Variants in ANKS1A observed in about 807,000 individuals in gnomAD.
ANKS1A encodes ankyrin repeat and SAM domain-containing protein 1A.
In ANKS1A, 55 loss-of-function variants were observed where a neutral mutation model predicts 120.3. That is an observed-to-expected ratio of 0.46 (90% CI 0.37 to 0.57). ANKS1A has a LOEUF of 0.57. ANKS1A is among the 20% of genes least tolerant of loss of function. ANKS1A has a pLI of 0.00. For synonymous variants in ANKS1A, 590 were observed against 604.7 expected (o/e 0.98, Z 0.36); for missense variants, 1,123 against 1,480.3 (o/e 0.76, Z 3.96).
intron 2 of ANKS1A, 22 bp from the exon 3 acceptor site, chr6:34,969,988 A>G: frequency 6.2e-7 from 1 of 1,610,844 alleles, no homozygotes; most frequent in Non-Finnish European, 8.5e-7. Flanking sequence ...CTACCAACTC[A>G]TGATTGATTT....
chr6:35,089,567 C>A lies in ANKS1A; in HGVS notation c.*958C>A. ...TGTGTGATTGGGGCTCATTTTGATT[C>A]TCTGAATTATCGGTTTGACGGTTAC... On this transcript the variant is annotated 3_prime_UTR_variant, in exon 24 of 24. Transcript: ENST00000360359. The A allele has an allele frequency of 1.0e-6, 1 of 986,430 alleles. No individual in the cohort carries two copies. Among genetic ancestry groups the A allele is most frequent in the Non-Finnish European group, 1.2e-6 (1 of 830,388 alleles). 61.1% of individuals were successfully genotyped at this position (986,430 alleles called of 1,614,324 possible).
rs1465696744 is a variant in ANKS1A at position 35,090,540 on chromosome 6, T to C, written c.*1931T>C. ...TTTATTTATTCAGGGTATTTTCATATTGGAAGCCTTGGCTAGTCTGCTCTA... is the reference window on the plus strand; with the variant it reads ...TTTATTTATTCAGGGTATTTTCATACTGGAAGCCTTGGCTAGTCTGCTCTA... On this transcript the variant is annotated 3_prime_UTR_variant, in exon 24 of 24. Transcript: ENST00000360359. 9 of 1,035,618 alleles carry C rather than the reference T, an allele frequency of 8.7e-6. No individual in the cohort carries two copies. Among genetic ancestry groups the C allele is most frequent in the Admixed American group, 5.3e-5 (1 of 18,858 alleles). The allele number at this position is 1,035,618 out of a possible 1,614,324, so 64.2% of individuals were successfully genotyped here.
downstream of ANKS1A, among the ~76,000 whole-genome samples, chr6:35,094,014 G>A (rs779846542): frequency 1.3e-5 from 2 of 152,318 alleles, no homozygotes; most frequent in Non-Finnish European, 1.5e-5. Context: ...AGGGGCAGCC[G>A]GGAGTGCCAC....
chr6:34,963,349 C>T (rs1354897669), intron 1 of ANKS1A, among the ~76,000 whole-genome samples: 2 of 152,292 alleles, frequency 1.3e-5, no homozygotes, highest in Admixed American at 1.3e-4. Flanking sequence ...TTTTTAGATT[C>T]CATATGTAAG....
intron 8 of ANKS1A, among the ~76,000 whole-genome samples, chr6:34,987,234 G>T (rs1772261021): frequency 1.3e-5 from 2 of 152,108 alleles, no homozygotes; most frequent in South Asian, 4.1e-4. Flanking sequence ...GTACTTCTAA[G>T]CCCTGCTCCA....
intron 2 of ANKS1A, among the ~76,000 whole-genome samples, chr6:34,967,944 G>T (rs181133389): frequency 2.0e-5 from 3 of 151,890 alleles, no homozygotes; most frequent in Admixed American, 6.6e-5. Context: ...ATCAAATTTG[G>T]GGCAGCCAGA....
intron 13 of ANKS1A, among the ~76,000 whole-genome samples, chr6:35,073,273 G>A (rs1179175026): frequency 6.6e-6 from 1 of 152,190 alleles, no homozygotes; most frequent in African/African-American, 2.4e-5. Flanking sequence ...GTGACCCAGG[G>A]GAGCACTTCT....
intron 11 of ANKS1A, among the ~76,000 whole-genome samples, chr6:35,032,294 G>T (rs1367722445): frequency 6.6e-6 from 1 of 152,188 alleles, no homozygotes. Context: ...CAGTGTTGGG[G>T]CTCAGGAGAG....
Position 35,067,996 on chromosome 6 carries a change from G to A in ANKS1A, c.2184+7743G>A, listed in dbSNP as rs377549002. ...CCTCTGCTCCGCCCCCAGTTCAAGC[G>A]ATTTCTCCTGCCTCGGCCTCCTGTG... On this transcript the variant is annotated intron_variant, in intron 13 of 23. Transcript: ENST00000360359. Among the ~76,000 whole-genome samples the A allele has an allele frequency of 4.0e-5, 6 of 149,146 alleles. No homozygotes were observed. In the South Asian group the frequency reaches 8.5e-4, roughly 21 times the overall value.
chr6:35,021,714 G>A (rs1007612955), intron 11 of ANKS1A, among the ~76,000 whole-genome samples: 8 of 152,086 alleles, frequency 5.3e-5, no homozygotes, highest in African/African-American at 1.2e-4. Flanking sequence ...GGCCGGGTGC[G>A]GTGGCTCACA....
chr6:35,046,989 G>T (rs1416340841), intron 11 of ANKS1A, among the ~76,000 whole-genome samples: 1 of 152,088 alleles, frequency 6.6e-6, no homozygotes, highest in East Asian at 1.9e-4. Context: ...CATATAAATG[G>T]AATCACTGCA....
At chr6:35,038,675 A>G (rs368083658) in intron 11 of ANKS1A, among the ~76,000 whole-genome samples, 1 of 151,970 alleles carries the variant, frequency 6.6e-6, no homozygotes, top group African/African-American at 2.4e-5. Flanking sequence ...TTGTAGAGAC[A>G]GGGTCTCGCT....
At position 35,078,623 on chromosome 6, in the gene ANKS1A, G is replaced by T. The variant is rs761878736; in HGVS notation, c.2250G>T (p.Arg750=). The part of the protein sequence containing the change: ...DIGISDPQHR[R]KLLQAARSLP... ...GCATCAGCGACCCACAGCACCGGCG[G>T]AAGCTGCTCCAGGCGGCACGCTCCC... Residue 750 remains arginine (R), a synonymous_variant, in exon 14 of 24, where the codon CGG becomes CGT. Transcript: ENST00000360359. The T allele has an allele frequency of 3.1e-6, 5 of 1,605,566 alleles. No homozygotes were observed. The African/African-American group carries it at 6.7e-5, about 21-fold the overall frequency.
chr6:34,950,199 AG>A (rs1265982865), intron 1 of ANKS1A, among the ~76,000 whole-genome samples: 1 of 150,438 alleles, frequency 6.6e-6, no homozygotes, highest in Non-Finnish European at 1.5e-5. Flanking sequence ...AAAAAAGGTA[AG>A]GAAGAGGTTT....
chr6:35,012,590 T>C (rs2140417), intron 10 of ANKS1A, among the ~76,000 whole-genome samples: 151,837 of 152,352 alleles, frequency 1, 75,666 homozygotes, highest in Non-Finnish European at 1. Flanking sequence ...CTGCATTCTT[T>C]AGCCTTAATT....
intron 11 of ANKS1A, 88 bp downstream of exon 11, chr6:35,018,147 C>T (rs1561916703): frequency 2.2e-6 from 3 of 1,368,606 alleles, no homozygotes; most frequent in South Asian, 2.7e-5. Flanking sequence ...CTCTCAGGCC[C>T]AGGATCTGGG....
At chr6:34,978,082 C>T (rs1771698785) in intron 3 of ANKS1A, among the ~76,000 whole-genome samples, 1 of 152,128 alleles carries the variant, frequency 6.6e-6, no homozygotes, top group Non-Finnish European at 1.5e-5. Flanking sequence ...CCTCAGCATC[C>T]TGAGTAGGTG....
chr6:34,978,286 A>C (rs1771710744), intron 3 of ANKS1A, among the ~76,000 whole-genome samples: 1 of 152,172 alleles, frequency 6.6e-6, no homozygotes, highest in Non-Finnish European at 1.5e-5. Context: ...GTAGGAATGG[A>C]GAATTTGTGC....
At chr6:34,971,042 A>G (rs1271305650) in intron 3 of ANKS1A, among the ~76,000 whole-genome samples, 1 of 152,228 alleles carries the variant, frequency 6.6e-6, no homozygotes, top group African/African-American at 2.4e-5. Context: ...TGCCATTGAC[A>G]TGGCAATGTA....
Sources: gnomAD v4.1 joint callset for allele counts (sites outside exome capture counted in the v4.1 genomes callset) on GRCh38, gnomAD v4.1.1 for gene constraint, MANE v1.5 for transcripts, NCBI Gene and HGNC (gene_info 2026-07-23, HGNC 2026-07-21) for gene names.